The following GPR19 variants were observed in gnomAD, a reference collection of about 807,000 sequenced individuals.
The protein encoded by GPR19 is probable G protein-coupled receptor 19.
In GPR19, 14 loss-of-function variants were observed where a neutral mutation model predicts 28.5. The observed-to-expected ratio is 0.49, with a 90% CI of 0.32 to 0.77. The LOEUF is 0.77. GPR19 is among the 30% of genes least tolerant of loss of function. GPR19 has a pLI of 0.03. For missense variants in GPR19, 409 were observed against 504.1 expected (o/e 0.81, Z 1.81); for synonymous variants, 173 against 184.1 (o/e 0.94, Z 0.49).
chr12:12,662,334 A>T lies in GPR19; in HGVS notation c.115T>A (p.Tyr39Asn), dbSNP rs368148649. The T allele has an allele frequency of 1.9e-5, 30 of 1,614,062 alleles. No individual in the cohort carries two copies. Among genetic ancestry groups the T allele is most frequent in the Middle Eastern group, 1.6e-4 (1 of 6,084 alleles). The stretch of plus-strand genomic sequence containing the variant: ...TGCTCCTCACTTAATTCCATCAGGT[A>T]TTGGCTTGGCAGAGGTGTGGCTGTT... ...TETATPLPSQ[Y>N]LMELSEEHSW... Residue 39 changes from tyrosine (Y) to asparagine (N), a missense_variant, in exon 4 of 4, where the codon TAC becomes AAC. Tyr to Asn is a moderately radical substitution (Grantham distance 143, BLOSUM62 -2). Coordinates refer to ENST00000651487, the MANE Select transcript of GPR19 (RefSeq NM_006143.3).
At chr12:12,691,716 C>A (rs139366998) in intron 2 of GPR19, among the ~76,000 whole-genome samples, 1 of 152,142 alleles carries the variant, frequency 6.6e-6, no homozygotes, top group Non-Finnish European at 1.5e-5. Context: ...AGGTGCTCAG[C>A]GACAGTGTAC....
At chr12:12,691,558 C>T (rs1036712588) in intron 2 of GPR19, among the ~76,000 whole-genome samples, 5 of 152,146 alleles carry the variant, frequency 3.3e-5, no homozygotes, top group African/African-American at 1.2e-4. Context: ...ATAAGTTAGT[C>T]ACATTTTCCT....
upstream of GPR19, among the ~76,000 whole-genome samples, chr12:12,696,808 G>A (rs373467145): frequency 2.0e-5 from 3 of 152,174 alleles, no homozygotes; most frequent in African/African-American, 7.2e-5. Flanking sequence ...TTTTCATTTG[G>A]GAACACGGAT....
At chr12:12,672,510 G>A (rs2136323815) in intron 3 of GPR19, among the ~76,000 whole-genome samples, 1 of 152,280 alleles carries the variant, frequency 6.6e-6, no homozygotes, top group South Asian at 2.1e-4. Flanking sequence ...ACTTTGGGAA[G>A]CCGAAGTGGG....
chr12:12,665,370 C>A (rs1945755436), intron 3 of GPR19, among the ~76,000 whole-genome samples: 1 of 152,264 alleles, frequency 6.6e-6, no homozygotes, highest in African/African-American at 2.4e-5. Flanking sequence ...GCCCATTTCC[C>A]CAGCCCAACC....
upstream of GPR19, among the ~76,000 whole-genome samples, chr12:12,697,125 T>C (rs981653984): frequency 1.7e-5 from 2 of 117,468 alleles, no homozygotes; most frequent in African/African-American, 6.6e-5. Flanking sequence ...AAAACCTACA[T>C]GATTTAAGAC....
At chr12:12,691,116 C>T (rs947896091) in intron 2 of GPR19, among the ~76,000 whole-genome samples, 14 of 151,554 alleles carry the variant, frequency 9.2e-5, no homozygotes, top group African/African-American at 2.7e-4. Flanking sequence ...ATTATTTCCA[C>T]GCTGGTGGAT....
At chr12:12,704,085 G>T in the GPR19 span, among the ~76,000 whole-genome samples, 5 of 152,198 alleles carry the variant, frequency 3.3e-5, no homozygotes, top group African/African-American at 1.2e-4. Context: ...ATCAAGTTTA[G>T]GTTGTTATCT....
At chr12:12,697,179 C>CAAAAAAA (rs1946279518), upstream of GPR19, among the ~76,000 whole-genome samples, 1 of 20,166 alleles carries the variant, frequency 5.0e-5, no homozygotes, top group African/African-American at 1.2e-4. Context: ...AAAAAAAAAG[C>CAAAAAAA]AGCCATGCAA....
chr12:12,692,830 C>T (rs1027722843), intron 2 of GPR19, among the ~76,000 whole-genome samples: 25 of 152,024 alleles, frequency 1.6e-4, no homozygotes, highest in African/African-American at 5.6e-4. Context: ...TGGCTCTAGT[C>T]CTGGCTCACT....
chr12:12,702,195 C>T, the GPR19 span, among the ~76,000 whole-genome samples: 2 of 151,700 alleles, frequency 1.3e-5, no homozygotes, highest in African/African-American at 4.8e-5. Context: ...TTAGGCACAA[C>T]TAAATATTTG....
intron 2 of GPR19, among the ~76,000 whole-genome samples, chr12:12,695,144 G>A (rs929609299): frequency 6.6e-6 from 1 of 152,130 alleles, no homozygotes; most frequent in Non-Finnish European, 1.5e-5. Flanking sequence ...GTAAAATTAC[G>A]TATTCCATCA....
At chr12:12,713,057 C>CT in the GPR19 span, among the ~76,000 whole-genome samples, 11,474 of 107,958 alleles carry the variant, frequency 0.11, 898 homozygotes, top group Admixed American at 0.19. Context: ...ATCTGATGCG[C>CT]TTTTTTTTTT....
At chr12:12,685,663 T>G (rs1054773423) in intron 2 of GPR19, among the ~76,000 whole-genome samples, 2 of 152,168 alleles carry the variant, frequency 1.3e-5, no homozygotes, top group Non-Finnish European at 1.5e-5. Flanking sequence ...CGGTCCTAAA[T>G]CTTGAAAGGA....
intron 2 of GPR19, among the ~76,000 whole-genome samples, chr12:12,694,502 G>A (rs993914434): frequency 1.6e-4 from 25 of 151,844 alleles, no homozygotes; most frequent in Non-Finnish European, 3.1e-4. Context: ...TACCGCGCCT[G>A]ACCCGGTAGA....
At chr12:12,691,924 C>G (rs1195522059) in intron 2 of GPR19, among the ~76,000 whole-genome samples, 1 of 152,160 alleles carries the variant, frequency 6.6e-6, no homozygotes, top group African/African-American at 2.4e-5. Flanking sequence ...ACTAAAATAT[C>G]CAGTCCTATA....
intron 3 of GPR19, among the ~76,000 whole-genome samples, chr12:12,669,558 C>A (rs770073978): frequency 3.9e-5 from 6 of 152,140 alleles, no homozygotes; most frequent in Non-Finnish European, 8.8e-5. Flanking sequence ...CTGGGACTGG[C>A]TTACATAGGG....
the GPR19 span, among the ~76,000 whole-genome samples, chr12:12,702,851 T>C: frequency 1.1e-4 from 16 of 152,226 alleles, no homozygotes. Flanking sequence ...AATTTTGTTC[T>C]GGTCTTTTCA....
intron 2 of GPR19, among the ~76,000 whole-genome samples, chr12:12,691,938 C>A (rs1228421785): frequency 6.6e-6 from 1 of 152,196 alleles, no homozygotes; most frequent in Non-Finnish European, 1.5e-5. Context: ...TCCTATATAA[C>A]AATCAAAAGT....
Sources: gnomAD v4.1 joint callset for allele counts (sites outside exome capture counted in the v4.1 genomes callset) on GRCh38, gnomAD v4.1.1 for gene constraint, MANE v1.5 for transcripts, NCBI Gene and HGNC (gene_info 2026-07-23, HGNC 2026-07-21) for gene names.